OR9I1: variants seen among roughly 807,000 people sequenced by gnomAD.
OR9I1 encodes olfactory receptor 9I1.
In OR9I1, 7 loss-of-function variants were observed where a neutral mutation model predicts 11.2. The ratio of observed to expected loss-of-function variants is 0.62; its 90% CI spans 0.36 to 1.17. The LOEUF is 1.17. OR9I1 is among the 50% of genes most tolerant of loss of function. OR9I1 has a pLI of 0.02. For synonymous variants in OR9I1, 165 were observed against 153.4 expected (o/e 1.08, Z -0.56); for missense variants, 428 against 377.2 (o/e 1.13, Z -1.12).
rs769562080 is a variant in OR9I1, at chr11:58,118,575, G to A, written c.870C>T (p.Tyr290=). The change falls in exon 3 of 3, where the codon TAC becomes TAT. Residue 290 remains tyrosine, a synonymous_variant. Transcript: ENST00000641439. Reference sequence around the variant, plus strand: ...CTTTTACATCTTTGTTTCTTAAGCTGTAGATCAGAGGGTTCAGCATGGGGA... The same window carrying A: ...CTTTTACATCTTTGTTTCTTAAGCTATAGATCAGAGGGTTCAGCATGGGGA... ...VVIPMLNPLI[Y]SLRNKDVKDA... 6.2e-7 allele frequency: 1 copy of A among 1,613,998 alleles called. No individual in the cohort carries two copies. Among genetic ancestry groups the A allele is most frequent in the Admixed American group, 1.7e-5 (1 of 60,024 alleles).
chr11:58,118,330 A>G lies in OR9I1; in HGVS notation c.*170T>C. The stretch of plus-strand genomic sequence containing the variant: ...AGGGGATAAGAAGAAAGAACATGGA[A>G]TTGCTGGAAACTAATTTCACCACAA... On this transcript the variant is annotated 3_prime_UTR_variant, in exon 3 of 3. Coordinates refer to ENST00000641439, the MANE Select transcript of OR9I1 (RefSeq NM_001005211.2). 3.5e-6 allele frequency: 2 copies of G among 563,512 alleles called. No homozygotes were observed. Among genetic ancestry groups the G allele is most frequent in the Non-Finnish European group, 6.3e-6 (2 of 319,700 alleles). 34.9% of individuals were successfully genotyped at this position (563,512 alleles called of 1,614,324 possible).
intron 1 of OR9I1, among the ~76,000 whole-genome samples, chr11:58,124,856 G>A (rs1021241033): frequency 6.6e-5 from 10 of 152,070 alleles, no homozygotes; most frequent in African/African-American, 1.7e-4. Flanking sequence ...TCTTCTCTGC[G>A]CTGATCACAA....
At chr11:58,125,251 A>AC (rs1221727554) in intron 1 of OR9I1, 23 bp downstream of exon 1, 2 of 68,702 alleles carry the variant, frequency 2.9e-5, no homozygotes, top group African/African-American at 4.6e-5. Context: ...CCCCCCCCCA[A>AC]AAAAAAGCTG....
intron 2 of OR9I1, among the ~76,000 whole-genome samples, chr11:58,123,039 T>C (rs921825984): frequency 6.6e-5 from 10 of 152,108 alleles, no homozygotes; most frequent in Non-Finnish European, 2.9e-5. Flanking sequence ...TACTAGAGAC[T>C]GTGAGTGCTT....
At position 58,117,682 on chromosome 11, in the gene OR9I1, G is replaced by C. The variant is rs550394236; in HGVS notation, c.*818C>G. ...CTCTGATTTGCTCTTCCTGGAAATG[G>C]GTTGCTTGGTAGGAGAGAACTGTTC... On this transcript the variant is annotated 3_prime_UTR_variant, in exon 3 of 3. Coordinates refer to ENST00000641439, the MANE Select transcript of OR9I1 (RefSeq NM_001005211.2). 2 of 152,166 alleles carry C rather than the reference G, an allele frequency of 1.3e-5. No homozygotes were observed. The highest frequency in any genetic ancestry group is 2.4e-5 in the African/African-American group (1 of 41,424). 9.4% of individuals were successfully genotyped at this position (152,166 alleles called of 1,614,324 possible). A position where few individuals can be genotyped will look rare whatever the true frequency, so the allele number is the denominator to read the frequency against.
At position 58,116,819 on chromosome 11, in the gene OR9I1, G is replaced by A. The variant is rs1853959701; in HGVS notation, c.*1681C>T. The A allele has an allele frequency of 6.6e-6, 1 of 152,162 alleles. No individual in the cohort carries two copies. The highest frequency in any genetic ancestry group is 1.5e-5 in the Non-Finnish European group (1 of 68,024). 9.4% of individuals were successfully genotyped at this position (152,162 alleles called of 1,614,324 possible). ...TTTAATAAAATTGTTGTTTCCATAT[G>A]GAGAGGCAATGAGGATCAACTTTTC... On this transcript the variant is annotated 3_prime_UTR_variant, in exon 3 of 3. Transcript: ENST00000641439.
chr11:58,117,790 G>A lies in OR9I1; in HGVS notation c.*710C>T, dbSNP rs899072122. 6.6e-6 allele frequency: 1 copy of A among 152,060 alleles called. No homozygotes were observed. The highest frequency in any genetic ancestry group is 1.5e-5 in the Non-Finnish European group (1 of 68,028). The allele number at this position is 152,060 out of a possible 1,614,324, so 9.4% of individuals were successfully genotyped here. On this transcript the variant is annotated 3_prime_UTR_variant, in exon 3 of 3. Coordinates refer to ENST00000641439, the MANE Select transcript of OR9I1 (RefSeq NM_001005211.2). The stretch of plus-strand genomic sequence containing the variant: ...GAGAGCTTGAGGAGACATTCCCAAA[G>A]GTAGGATGGTTCATTTCATCTTGAA...
chr11:58,121,280 T>G (rs1854029760), intron 2 of OR9I1, among the ~76,000 whole-genome samples: 1 of 152,192 alleles, frequency 6.6e-6, no homozygotes, highest in Non-Finnish European at 1.5e-5. Context: ...CAGATTTGAG[T>G]CACCTCGTAA....
At position 58,118,860 on chromosome 11, in the gene OR9I1, G is replaced by A. The variant is rs1027806962; in HGVS notation, c.585C>T (p.Ile195=). 7 of 1,613,920 alleles carry A rather than the reference G, an allele frequency of 4.3e-6. No homozygotes were observed. In the East Asian group the frequency reaches 1.1e-4, roughly 26 times the overall value. The change falls in exon 3 of 3, where the codon ATC becomes ATT. Residue 195 remains isoleucine, a synonymous_variant. Transcript: ENST00000641439. ...LKLACSDTAN[I]EIVIIFFGNF... ...TGCCAAAGAAGATGATGACAATCTC[G>A]ATGTTTGCTGTGTCACTGCAGGCAA...
rs1476850809 is a variant in OR9I1 at position 58,117,058 on chromosome 11, TTGG to T, written c.*1439_*1441del. On this transcript the variant is annotated 3_prime_UTR_variant, in exon 3 of 3. Transcript: ENST00000641439. ...TTTCATTGACTTTTATCATCATTGGTTGGTGATCTATTTTGCTTTTGTCAGTGG... is the reference window on the plus strand; with the variant it reads ...TTTCATTGACTTTTATCATCATTGGTTGATCTATTTTGCTTTTGTCAGTGG... 1 of 152,198 alleles carries T rather than the reference TTGG, an allele frequency of 6.6e-6. No homozygotes were observed. The highest frequency in any genetic ancestry group is 1.5e-5 in the Non-Finnish European group (1 of 68,042). 9.4% of individuals were successfully genotyped at this position (152,198 alleles called of 1,614,324 possible).
At chr11:58,120,743 G>A (rs1031229782) in intron 2 of OR9I1, among the ~76,000 whole-genome samples, 7 of 148,740 alleles carry the variant, frequency 4.7e-5, no homozygotes, top group South Asian at 2.1e-4. Context: ...CATTTAACCC[G>A]CATGAACTTT....
rs775636670 is a variant in OR9I1 at position 58,125,280 on chromosome 11, A to G, written c.-231T>C. 1 of 115,096 alleles carries G rather than the reference A, an allele frequency of 8.7e-6. No individual in the cohort carries two copies. The highest frequency in any genetic ancestry group is 1.6e-5 in the Non-Finnish European group (1 of 61,502). 7.1% of individuals were successfully genotyped at this position (115,096 alleles called of 1,614,324 possible). On this transcript the variant is annotated 5_prime_UTR_variant, in exon 1 of 3. Coordinates refer to ENST00000641439, the MANE Select transcript of OR9I1 (RefSeq NM_001005211.2). ...AAAGCTGATCCAGTCTTACTTGTAT[A>G]TTTCACATAAGAGCTGAAATCCCAG...
chr11:58,120,990 T>C (rs1854026609), intron 2 of OR9I1, among the ~76,000 whole-genome samples: 2 of 152,048 alleles, frequency 1.3e-5, no homozygotes, highest in African/African-American at 4.8e-5. Context: ...AAGTCTTCTC[T>C]ATATTTTGAC....
At chr11:58,124,170 C>T (rs576709091) in intron 2 of OR9I1, among the ~76,000 whole-genome samples, 1 of 152,072 alleles carries the variant, frequency 6.6e-6, no homozygotes, top group Non-Finnish European at 1.5e-5. Flanking sequence ...GGGGTACCAT[C>T]AGCTTGGGTG....
intron 1 of OR9I1, 27 bp downstream of exon 1, chr11:58,125,247 C>CA: frequency 8.8e-6 from 1 of 113,120 alleles, no homozygotes; most frequent in Admixed American, 1.1e-4. Context: ...CCGCCCCCCC[C>CA]CCAAAAAAAA....
rs1397297343 is a variant in OR9I1 at position 58,119,064 on chromosome 11, G to T, written c.381C>A (p.Arg127=). ...VMAYDRYAAI[R]NPLLYTVAMN... ...TGGCCACGGTATAGAGCAGTGGGTTGCGAATGGCAGCATAGCGATCATAGG... is the reference window on the plus strand; with the variant it reads ...TGGCCACGGTATAGAGCAGTGGGTTTCGAATGGCAGCATAGCGATCATAGG... The change falls in exon 3 of 3, where the codon CGC becomes CGA. Residue 127 remains arginine, a synonymous_variant. Coordinates refer to ENST00000641439, the MANE Select transcript of OR9I1 (RefSeq NM_001005211.2). The T allele has an allele frequency of 6.2e-7, 1 of 1,613,992 alleles. No homozygotes were observed. The highest frequency in any genetic ancestry group is 1.3e-5 in the African/African-American group (1 of 75,042).
At position 58,118,022 on chromosome 11, in the gene OR9I1, C is replaced by T. The variant is rs1853975490; in HGVS notation, c.*478G>A. On this transcript the variant is annotated 3_prime_UTR_variant, in exon 3 of 3. Coordinates refer to ENST00000641439, the MANE Select transcript of OR9I1 (RefSeq NM_001005211.2). The stretch of plus-strand genomic sequence containing the variant: ...ACTGAGTTTTTCCTTATACAATACT[C>T]CCTGCTTAGTGAGGTGATCAGTCCT... The T allele has an allele frequency of 6.5e-6, 1 of 152,770 alleles. No homozygotes were observed. Among genetic ancestry groups the T allele is most frequent in the South Asian group, 2.1e-4 (1 of 4,830 alleles). The allele number at this position is 152,770 out of a possible 1,614,324, so 9.5% of individuals were successfully genotyped here.
In OR9I1 at chr11:58,116,890, C is replaced by T. The variant is rs955095032; in HGVS notation, c.*1610G>A. The T allele has an allele frequency of 1.4e-4, 21 of 152,186 alleles. No individual in the cohort carries two copies. The highest frequency in any genetic ancestry group is 4.3e-4 in the African/African-American group (18 of 41,448). The allele number at this position is 152,186 out of a possible 1,614,324, so 9.4% of individuals were successfully genotyped here. ...AGGAGTTCATATATTCATAAAATAA[C>T]ATATTCACTTACAAATACATCCTTT... On this transcript the variant is annotated 3_prime_UTR_variant, in exon 3 of 3. Coordinates refer to ENST00000641439, the MANE Select transcript of OR9I1 (RefSeq NM_001005211.2).
chr11:58,119,491 G>C, intron 2 of OR9I1, 25 bp from the exon 3 acceptor site: 1 of 1,222,776 alleles, frequency 8.2e-7, no homozygotes, highest in Non-Finnish European at 1.2e-6. Flanking sequence ...GAAATAAAAA[G>C]AATCTCAGAA....
Sources: allele counts gnomAD v4.1 joint callset (sites outside exome capture counted in the v4.1 genomes callset), GRCh38; gene constraint gnomAD v4.1.1; transcripts MANE v1.5; gene names NCBI Gene and HGNC (gene_info 2026-07-23, HGNC 2026-07-21).